The following NRXN3 variants were observed in gnomAD, a reference collection of about 807,000 sequenced individuals.
NRXN3 encodes neurexin III.
A neutral mutation model predicts 137.6 loss-of-function variants in NRXN3; 32 were observed. The observed-to-expected ratio is 0.23, with a 90% CI of 0.18 to 0.31. The LOEUF is 0.31. Among genes scored for constraint, NRXN3 ranks in the 10% least tolerant of loss-of-function variants. NRXN3 has a pLI of 1.00. For missense variants in NRXN3, 1,574 were observed against 2,062.5 expected (o/e 0.76, Z 4.59); for synonymous variants, 798 against 784.5 (o/e 1.02, Z -0.29).
chr14:78,626,447 T>C, intron 4 of NRXN3, among the ~76,000 whole-genome samples: 1 of 152,342 alleles, frequency 6.6e-6, no homozygotes, highest in South Asian at 2.1e-4. Context: ...TATTATTTTT[T>C]CCCTTCAAAA....
In NRXN3 at chr14:78,957,288, C is replaced by A. The variant is rs35008707; in HGVS notation, c.2322C>A (p.Asn774Lys). 9.3e-6 allele frequency: 15 copies of A among 1,613,916 alleles called. No individual in the cohort carries two copies. The highest frequency in any genetic ancestry group is 1.3e-5 in the African/African-American group (1 of 74,864). The change falls in exon 11 of 21, where the codon AAC becomes AAA. Residue 774 changes from asparagine to lysine, a missense_variant. Transcript: ENST00000335750. ...TLYAGQKLND[N>K]EWHTVRVVRR... is the part of the protein sequence containing the mutation. ...ATGCAGGGCAGAAGCTCAATGACAA[C>A]GAGTGGCACACCGTTCGGGTGGTGC...
intron 15 of NRXN3, among the ~76,000 whole-genome samples, chr14:79,057,608 G>A (rs1412799293): frequency 6.6e-6 from 1 of 152,172 alleles, no homozygotes; most frequent in Non-Finnish European, 1.5e-5. Flanking sequence ...AAAACCAAGA[G>A]TGGAGAGAAC....
chr14:79,783,924 G>A (rs1458212970), intron 19 of NRXN3, among the ~76,000 whole-genome samples: 1 of 152,058 alleles, frequency 6.6e-6, no homozygotes, highest in Non-Finnish European at 1.5e-5. Flanking sequence ...GTCTGTTTGG[G>A]TGCTGTGAGT....
chr14:78,632,618 A>G (rs2097531963), intron 4 of NRXN3, among the ~76,000 whole-genome samples: 1 of 152,186 alleles, frequency 6.6e-6, no homozygotes, highest in South Asian at 2.1e-4. Context: ...CCTTAGTTTT[A>G]TCATTTGAAA....
intron 8 of NRXN3, among the ~76,000 whole-genome samples, chr14:78,750,850 T>C (rs2098637898): frequency 6.6e-6 from 1 of 152,178 alleles, no homozygotes; most frequent in African/African-American, 2.4e-5. Flanking sequence ...AGGAGGTAAC[T>C]AGCATTGGCC....
chr14:79,415,607 G>T (rs1218661562), intron 15 of NRXN3, among the ~76,000 whole-genome samples: 2 of 152,066 alleles, frequency 1.3e-5, no homozygotes, highest in African/African-American at 4.8e-5. Flanking sequence ...ATCATATAAA[G>T]TTATTTTCTT....
chr14:78,231,213 G>A (rs983795), intron 1 of NRXN3: 18,960 of 152,116 alleles, frequency 0.12, 1,269 homozygotes, highest in East Asian at 0.16. Context: ...TTCAACATAT[G>A]GTATCCATAT....
At chr14:78,954,443 T>C (rs1184898295) in intron 10 of NRXN3, among the ~76,000 whole-genome samples, 1 of 152,110 alleles carries the variant, frequency 6.6e-6, no homozygotes, top group Non-Finnish European at 1.5e-5. Flanking sequence ...TGTAACTAAA[T>C]AGTAGGGCAT....
chr14:79,161,678 A>C (rs2060788392), intron 15 of NRXN3, among the ~76,000 whole-genome samples: 1 of 151,934 alleles, frequency 6.6e-6, no homozygotes, highest in African/African-American at 2.4e-5. Context: ...TTGAGCAAAA[A>C]CAAGTATTTG....
Position 78,968,201 on chromosome 14 carries a change from A to G in NRXN3, c.2997A>G (p.Gln999=). The G allele has an allele frequency of 6.2e-7, 1 of 1,613,758 alleles. No individual in the cohort carries two copies. Among genetic ancestry groups the G allele is most frequent in the Non-Finnish European group, 8.5e-7 (1 of 1,179,824 alleles). The change falls in exon 14 of 21, where the codon CAA becomes CAG. Residue 999 remains glutamine, a synonymous_variant. Coordinates refer to ENST00000335750, the MANE Select transcript of NRXN3 (RefSeq NM_001330195.2). The part of the protein sequence containing the change: ...KGDLYMAGLA[Q]GMYSNLPKLV... ...ATCTCTATATGGCTGGTCTGGCCCAAGGCATGTACAGCAACCTCCCAAAGC... is the reference window on the plus strand; with the variant it reads ...ATCTCTATATGGCTGGTCTGGCCCAGGGCATGTACAGCAACCTCCCAAAGC...
intron 4 of NRXN3, among the ~76,000 whole-genome samples, chr14:78,562,525 C>A (rs1003474506): frequency 7.9e-5 from 12 of 151,544 alleles, no homozygotes; most frequent in Non-Finnish European, 2.9e-5. Flanking sequence ...ATGTGACTAC[C>A]AAAAAATGAC....
At chr14:79,536,348 T>G (rs1346655702) in intron 16 of NRXN3, among the ~76,000 whole-genome samples, 1 of 152,114 alleles carries the variant, frequency 6.6e-6, no homozygotes, top group Non-Finnish European at 1.5e-5. Context: ...GTGAAAATCA[T>G]GGAGTCAGAG....
intron 17 of NRXN3, among the ~76,000 whole-genome samples, chr14:79,666,628 C>T (rs1020561813): frequency 1.3e-5 from 2 of 151,952 alleles, no homozygotes; most frequent in African/African-American, 2.4e-5. Context: ...CACTATTGCT[C>T]CCCCAGAGAA....
intron 15 of NRXN3, among the ~76,000 whole-genome samples, chr14:79,122,670 C>G (rs368244310): frequency 1.3e-5 from 2 of 152,212 alleles, no homozygotes; most frequent in African/African-American, 4.8e-5. Context: ...GTTTAACTCA[C>G]AGCCCTGCCA....
chr14:78,974,254 G>A (rs1361933989), intron 14 of NRXN3, among the ~76,000 whole-genome samples: 1 of 152,156 alleles, frequency 6.6e-6, no homozygotes, highest in East Asian at 1.9e-4. Context: ...GACTCAATCT[G>A]AATGCAAGAC....
chr14:78,714,904 C>G lies in NRXN3; in HGVS notation c.1809C>G (p.Leu603=). The G allele has an allele frequency of 1.2e-6, 2 of 1,614,140 alleles. No homozygotes were observed. Among genetic ancestry groups the G allele is most frequent in the Non-Finnish European group, 1.7e-6 (2 of 1,180,014 alleles). The change falls in exon 8 of 21, where the codon CTC becomes CTG. Residue 603 remains leucine, a synonymous_variant. Transcript: ENST00000335750. ...CCACCGAGCTGTGGACTGCCATGCT[C>G]AACTATGGCTACGTGGGCTGCATCC... The part of the protein sequence containing the change: ...ILPTELWTAM[L]NYGYVGCIRD...
intron 19 of NRXN3, among the ~76,000 whole-genome samples, chr14:79,727,643 G>T (rs1424228972): frequency 6.6e-6 from 1 of 152,078 alleles, no homozygotes; most frequent in East Asian, 1.9e-4. Flanking sequence ...TTGAGGCAAA[G>T]AAATTGCATT....
chr14:79,381,288 A>G (rs1260142765), intron 15 of NRXN3, among the ~76,000 whole-genome samples: 1 of 151,150 alleles, frequency 6.6e-6, no homozygotes, highest in Non-Finnish European at 1.5e-5. Flanking sequence ...TCAAGAGGAG[A>G]GGTATATAGT....
chr14:78,861,283 CAGG>C (rs1252922044), intron 10 of NRXN3, among the ~76,000 whole-genome samples: 1 of 152,102 alleles, frequency 6.6e-6, no homozygotes, highest in East Asian at 1.9e-4. Flanking sequence ...ATTAGCCAAA[CAGG>C]AGATTCATTT....
Sources: gnomAD v4.1 joint callset for allele counts (sites outside exome capture counted in the v4.1 genomes callset) on GRCh38, gnomAD v4.1.1 for gene constraint, MANE v1.5 for transcripts, NCBI Gene and HGNC (gene_info 2026-07-23, HGNC 2026-07-21) for gene names.